PFKM: variants seen among roughly 807,000 people sequenced by gnomAD.
PFKM encodes the protein ATP-dependent 6-phosphofructokinase, muscle type.
PFKM carries 58 observed loss-of-function variants against 95.5 expected under a neutral mutation model. The ratio of observed to expected loss-of-function variants is 0.61; its 90% CI spans 0.49 to 0.76. The LOEUF (loss-of-function observed/expected upper bound fraction) is 0.76, where lower values mean the gene tolerates loss of function less well. PFKM is among the 30% of genes least tolerant of loss of function. The pLI is 0.00. For synonymous variants in PFKM, 336 were observed against 357.2 expected, an observed-to-expected ratio of 0.94 and a Z score of 0.67; for missense variants, 678 against 1,005.4, an observed-to-expected ratio of 0.67 and a Z score of 4.40.
chr12:48,107,794 T>C (rs1004339333), intron 2 of PFKM, among the ~76,000 whole-genome samples: 3 of 152,194 alleles, frequency 2.0e-5, no homozygotes, highest in Non-Finnish European at 2.9e-5. Flanking sequence ...ATTGTCATTA[T>C]AACTGACACT....
intron 3 of PFKM, among the ~76,000 whole-genome samples, chr12:48,110,321 A>G (rs182981469): frequency 2.0e-5 from 3 of 152,320 alleles, no homozygotes; most frequent in Admixed American, 2.0e-4. Flanking sequence ...AGTGCCTTCT[A>G]GGTCTTATGG....
chr12:48,107,246 T>C, intron 1 of PFKM: 1 of 678,414 alleles, frequency 1.5e-6, no homozygotes, highest in Admixed American at 2.2e-5. Context: ...CTGATACTTT[T>C]ATATTATATT....
chr12:48,132,742 T>C, intron 4 of PFKM, 126 bp from the exon 5 acceptor site: 2 of 808,000 alleles, frequency 2.5e-6, no homozygotes, highest in East Asian at 5.3e-5. Flanking sequence ...CAGATCACTC[T>C]TAAGGATGTC....
chr12:48,108,157 T>C, exon 3 of PFKM: 1 of 1,599,178 alleles, frequency 6.3e-7, no homozygotes, highest in South Asian at 1.1e-5. Flanking sequence ...CTATGGATGA[T>C]CCAGACACCG....
chr12:48,105,758 G>C, upstream of PFKM: 2 of 553,860 alleles, frequency 3.6e-6, no homozygotes, highest in South Asian at 4.1e-5. Context: ...GTAACGGCAG[G>C]GAGACGGTCT....
At chr12:48,116,492 T>C (rs1947694759), upstream of PFKM, among the ~76,000 whole-genome samples, 1 of 152,182 alleles carries the variant, frequency 6.6e-6, no homozygotes, top group Non-Finnish European at 1.5e-5. Flanking sequence ...AAATTTTTTA[T>C]GTTTGAGACA....
Position 48,145,952 on chromosome 12 carries a change from G to A in PFKM, c.*244G>A, listed in dbSNP as rs1951010889. On this transcript the variant is annotated 3_prime_UTR_variant, in exon 23 of 23. Coordinates refer to ENST00000359794, the MANE Select transcript of PFKM (RefSeq NM_000289.6). This position sits in a 1 kb window ranked among gnomAD's most constrained non-coding sequence, Gnocchi z 4.3. ...TGTCACACAAGGCTGGGCACCTCTA[G>A]TGCTACTGCTAGATATCACTTACTC... The A allele has an allele frequency of 3.7e-6, 2 of 545,438 alleles. No individual in the cohort carries two copies. Among genetic ancestry groups the A allele is most frequent in the Non-Finnish European group, 6.6e-6 (2 of 303,844 alleles). The allele number at this position is 545,438 out of a possible 1,614,324, so 33.8% of individuals were successfully genotyped here. A position where few individuals can be genotyped will look rare whatever the true frequency, so the allele number is the denominator to read the frequency against.
chr12:48,136,692 C>CTTTTTT (rs1166389532), intron 10 of PFKM, among the ~76,000 whole-genome samples: 2 of 63,026 alleles, frequency 3.2e-5, no homozygotes, highest in Non-Finnish European at 5.9e-5. Flanking sequence ...GGGGTCGTCA[C>CTTTTTT]TTTTTTTTTT....
intron 15 of PFKM, 122 bp downstream of exon 15, chr12:48,141,503 C>T: frequency 1.1e-6 from 1 of 896,372 alleles, no homozygotes; most frequent in Non-Finnish European, 1.9e-6. Flanking sequence ...CCCTCAACCT[C>T]ACAGTTGCTG....
chr12:48,105,881 G>T, upstream of PFKM: 1 of 612,516 alleles, frequency 1.6e-6, no homozygotes, highest in South Asian at 1.9e-5. Context: ...TGGTCCCAGG[G>T]GGCGGGGCAG....
upstream of PFKM, among the ~76,000 whole-genome samples, chr12:48,114,590 T>C (rs971849171): frequency 6.6e-6 from 1 of 151,780 alleles, no homozygotes; most frequent in Non-Finnish European, 1.5e-5. Context: ...GGTCAGATGG[T>C]TCAGTAGAAA....
chr12:48,130,349 G>A lies in PFKM; in HGVS notation c.86-14G>A, dbSNP rs1158489606. ...GAGCAACCTCTCCGTGACTTCTTTT[G>A]TCCCTCCTTTCAGGTATGAATGCTG... On this transcript the variant is annotated splice_polypyrimidine_tract_variant and intron_variant, in intron 2 of 22. Coordinates refer to ENST00000359794, the MANE Select transcript of PFKM (RefSeq NM_000289.6). 1 of 1,608,928 alleles carries A rather than the reference G, an allele frequency of 6.2e-7. No individual in the cohort carries two copies. The highest frequency in any genetic ancestry group is 1.1e-5 in the South Asian group (1 of 90,990).
Position 48,142,811 on chromosome 12 carries a change from T to G in PFKM, c.1683T>G (p.Ala561=). ...TTCDRIKQSA[A]GTKRRVFIIE... is the part of the protein sequence containing the mutation. ...GTGACCGCATCAAGCAGTCAGCAGC[T>G]GGCACCAAGCGTCGGGTGTTTATCA... Residue 561 remains alanine (A), a synonymous_variant, in exon 18 of 23, where the codon GCT becomes GCG. Coordinates refer to ENST00000359794, the MANE Select transcript of PFKM (RefSeq NM_000289.6). The G allele has an allele frequency of 6.2e-7, 1 of 1,614,158 alleles. No individual in the cohort carries two copies. The highest frequency in any genetic ancestry group is 1.1e-5 in the South Asian group (1 of 91,074).
At chr12:48,130,206 G>A (rs1465801583) in intron 2 of PFKM, among the ~76,000 whole-genome samples, 157 bp from the exon 3 acceptor site, 9 of 152,132 alleles carry the variant, frequency 5.9e-5, no homozygotes, top group African/African-American at 2.2e-4. Context: ...GGAGTGGGGA[G>A]GCCAGAAGAC....
chr12:48,122,906 T>G, intron 2 of PFKM, 47 bp downstream of exon 2: 1 of 1,535,920 alleles, frequency 6.5e-7, no homozygotes, highest in Non-Finnish European at 9.0e-7. Context: ...CTTTTGGAAT[T>G]TACTGACTCC....
At chr12:48,113,466 G>A (rs1369175158) in intron 3 of PFKM, among the ~76,000 whole-genome samples, 1 of 152,210 alleles carries the variant, frequency 6.6e-6, no homozygotes, top group Non-Finnish European at 1.5e-5. Context: ...AGGGGATCTG[G>A]GAGTGGCTGC....
At chr12:48,143,008 G>C in intron 18 of PFKM, 62 bp downstream of exon 18, 1 of 1,494,788 alleles carries the variant, frequency 6.7e-7, no homozygotes, top group Non-Finnish European at 9.2e-7. Context: ...TTTCCACAGT[G>C]ATCTGAACTA....
Position 48,132,981 on chromosome 12 carries a change from G to T in PFKM, c.351G>T (p.Gly117=). Residue 117 remains glycine, a synonymous_variant, in exon 5 of 23, where the codon GGG becomes GGT. Transcript: ENST00000359794. ...GGATCACCAATCTCTGTGTCATTGG[G>T]GGTGATGGCAGCCTCACTGGGGCTG... ...KRGITNLCVI[G]GDGSLTGADT... 6.2e-7 allele frequency: 1 copy of T among 1,614,122 alleles called. No homozygotes were observed. The highest frequency in any genetic ancestry group is 1.1e-5 in the South Asian group (1 of 91,080).
chr12:48,136,169 G>A (rs1168135125), intron 10 of PFKM, among the ~76,000 whole-genome samples: 1 of 152,144 alleles, frequency 6.6e-6, no homozygotes, highest in African/African-American at 2.4e-5. Context: ...TTACAGGCGT[G>A]AGCCACTGCG....
Sources: allele counts gnomAD v4.1 joint callset (sites outside exome capture counted in the v4.1 genomes callset), GRCh38; gene constraint gnomAD v4.1.1; non-coding constraint Gnocchi (gnomAD v3.1); transcripts MANE v1.5; gene names NCBI Gene and HGNC (gene_info 2026-07-23, HGNC 2026-07-21).